TENT5D: variants seen among roughly 807,000 people sequenced by gnomAD.
The protein encoded by TENT5D is cancer/testis antigen 112.
For missense variants in TENT5D, 191 were observed against 287.0 expected, an observed-to-expected ratio of 0.67 and a Z score of 2.42; for synonymous variants, 103 against 100.6, an observed-to-expected ratio of 1.02 and a Z score of -0.15.
chrX:80,370,112 A>G (rs1186923263), intron 3 of TENT5D, among the ~76,000 whole-genome samples: 1 of 108,528 alleles, frequency 9.2e-6, no homozygotes, highest in Non-Finnish European at 1.9e-5. Context: ...ATTTTTTAAA[A>G]TTTGTTTTTG....
chrX:80,367,733 C>G (rs953736575), intron 3 of TENT5D, among the ~76,000 whole-genome samples: 2 of 111,232 alleles, frequency 1.8e-5, no homozygotes, highest in Non-Finnish European at 3.8e-5. Flanking sequence ...GTAAAATAAG[C>G]CAGATACAGA....
intron 3 of TENT5D, among the ~76,000 whole-genome samples, chrX:80,377,908 A>T (rs1930768224): frequency 9.0e-6 from 1 of 111,702 alleles, no homozygotes; most frequent in Non-Finnish European, 1.9e-5. Flanking sequence ...TGGTTTCCTG[A>T]CTTTTTAATG....
At chrX:80,402,758 G>T (rs775043703) in intron 3 of TENT5D, among the ~76,000 whole-genome samples, 8 of 111,776 alleles carry the variant, frequency 7.2e-5, no homozygotes, top group African/African-American at 2.3e-4. Flanking sequence ...TACTTGATAT[G>T]ATATCAGTGT....
chrX:80,417,940 G>T (rs1260173184), upstream of TENT5D, among the ~76,000 whole-genome samples: 1 of 111,054 alleles, frequency 9.0e-6, no homozygotes, highest in African/African-American at 3.3e-5. Context: ...TCTTTCAAGG[G>T]TGCCAATCAG....
At chrX:80,432,052 G>A (rs765330499) in intron 1 of TENT5D, among the ~76,000 whole-genome samples, 2 of 110,799 alleles carry the variant, frequency 1.8e-5, no homozygotes, top group African/African-American at 3.3e-5. Context: ...ACAATAATTC[G>A]TTGAATTACA....
chrX:80,355,879 G>C (rs1483192406), intron 3 of TENT5D, among the ~76,000 whole-genome samples: 1 of 111,358 alleles, frequency 9.0e-6, no homozygotes, highest in Non-Finnish European at 1.9e-5. Flanking sequence ...TGGTCTAGTT[G>C]ACCTTCTTGG....
At chrX:80,443,447 A>G (rs1602226737) in exon 3 of TENT5D, 1 of 1,211,633 alleles carries the variant, frequency 8.3e-7, no homozygotes. Flanking sequence ...ATGACCTTGC[A>G]TGGAGTTGTG....
At chrX:80,397,070 G>T (rs751141226) in intron 3 of TENT5D, among the ~76,000 whole-genome samples, 2 of 95,059 alleles carry the variant, frequency 2.1e-5, no homozygotes, top group Non-Finnish European at 2.1e-5. Flanking sequence ...GCTGCCGGGC[G>T]GAGATGCTCC....
At chrX:80,377,856 T>A (rs986270506) in intron 3 of TENT5D, among the ~76,000 whole-genome samples, 2 of 111,887 alleles carry the variant, frequency 1.8e-5, no homozygotes, top group Non-Finnish European at 3.8e-5. Flanking sequence ...CCACCAACAG[T>A]GTAAAAGCGT....
chrX:80,432,757 C>T (rs1932111400), intron 1 of TENT5D, among the ~76,000 whole-genome samples: 1 of 110,817 alleles, frequency 9.0e-6, no homozygotes, highest in African/African-American at 3.3e-5. Flanking sequence ...GAGATTGGAG[C>T]AAAAGTTTAA....
chrX:80,381,725 T>C (rs1311406208), intron 3 of TENT5D, among the ~76,000 whole-genome samples: 2 of 112,235 alleles, frequency 1.8e-5, no homozygotes, highest in African/African-American at 6.5e-5. Context: ...CAATCACTGA[T>C]ACCCTTTCTT....
chrX:80,431,332 C>A (rs1409320014), intron 1 of TENT5D, among the ~76,000 whole-genome samples: 1 of 111,063 alleles, frequency 9.0e-6, no homozygotes, highest in South Asian at 3.8e-4. Flanking sequence ...AAATTTGGGG[C>A]AAAGAGCTGA....
At chrX:80,363,101 A>G (rs191007778) in intron 3 of TENT5D, among the ~76,000 whole-genome samples, 2 of 111,823 alleles carry the variant, frequency 1.8e-5, no homozygotes, top group East Asian at 5.6e-4. Flanking sequence ...AGTGTTAAAA[A>G]GTACTTAAAA....
intron 3 of TENT5D, among the ~76,000 whole-genome samples, chrX:80,377,783 T>C (rs1930765068): frequency 1.8e-5 from 2 of 112,042 alleles, no homozygotes; most frequent in Admixed American, 9.5e-5. Flanking sequence ...ATGATATTTC[T>C]AATTCTAGAT....
intron 3 of TENT5D, among the ~76,000 whole-genome samples, chrX:80,348,894 CT>C (rs1236682987): frequency 8.9e-6 from 1 of 111,749 alleles, no homozygotes; most frequent in Admixed American, 9.5e-5. Context: ...TATTGAAGTC[CT>C]TTTCTGCATC....
At chrX:80,381,662 A>G (rs1462817732) in intron 3 of TENT5D, among the ~76,000 whole-genome samples, 2 of 109,579 alleles carry the variant, frequency 1.8e-5, no homozygotes, top group Non-Finnish European at 3.8e-5. Flanking sequence ...ATTTCTTTTT[A>G]CTCTTTTTTT....
At chrX:80,367,876 T>C (rs988933388) in intron 3 of TENT5D, among the ~76,000 whole-genome samples, 1 of 111,408 alleles carries the variant, frequency 9.0e-6, no homozygotes, top group South Asian at 3.8e-4. Context: ...GGGGAAGTAG[T>C]GATGGTTAAT....
At chrX:80,361,921 G>A (rs1454964459) in intron 3 of TENT5D, among the ~76,000 whole-genome samples, 2 of 111,641 alleles carry the variant, frequency 1.8e-5, no homozygotes, top group Non-Finnish European at 3.8e-5. Context: ...TGGGATATGT[G>A]ATGCTGAGGT....
intron 1 of TENT5D, among the ~76,000 whole-genome samples, chrX:80,435,820 T>C (rs1932173089): frequency 8.9e-6 from 1 of 112,683 alleles, no homozygotes; most frequent in African/African-American, 3.2e-5. Context: ...GCAAAACTTA[T>C]CTAGATGTTA....
Sources: allele counts gnomAD v4.1 joint callset (sites outside exome capture counted in the v4.1 genomes callset), GRCh38; gene constraint gnomAD v4.1.1; transcripts MANE v1.5; gene names NCBI Gene and HGNC (gene_info 2026-07-23, HGNC 2026-07-21).